PAX5: variants seen among roughly 807,000 people sequenced by gnomAD.
PAX5 encodes the protein paired box 5.
PAX5 carries 9 observed loss-of-function variants against 43.7 expected under a neutral mutation model. The ratio of observed to expected loss-of-function variants is 0.21; its 90% CI spans 0.12 to 0.36. The LOEUF (loss-of-function observed/expected upper bound fraction) is 0.36, where lower values mean the gene tolerates loss of function less well. Among genes scored for constraint, PAX5 ranks in the 10% least tolerant of loss-of-function variants. The probability of loss-of-function intolerance (pLI) is 1.00; values close to 1 mark genes in which losing one functional copy is unlikely to be tolerated. For synonymous variants in PAX5, 228 were observed against 214.3 expected (o/e 1.06, Z -0.56); for missense variants, 383 against 532.7 (o/e 0.72, Z 2.77).
At chr9:36,901,682 C>T (rs1025330360) in intron 7 of PAX5, among the ~76,000 whole-genome samples, 5 of 152,118 alleles carry the variant, frequency 3.3e-5, no homozygotes, top group African/African-American at 4.8e-5. Flanking sequence ...TCCGACCCCA[C>T]GCCCTAAACA....
At chr9:36,930,929 T>A in intron 6 of PAX5, 1 of 989,656 alleles carries the variant, frequency 1.0e-6, no homozygotes, top group Non-Finnish European at 1.4e-6. Context: ...TATTGTCTCA[T>A]CAGCACGGGG....
At chr9:36,923,581 A>G in intron 6 of PAX5, 97 bp from the exon 7 acceptor site, 1 of 1,419,726 alleles carries the variant, frequency 7.0e-7, no homozygotes, top group Non-Finnish European at 9.5e-7. Flanking sequence ...AAGCTGAGTT[A>G]GTCCATGCCT....
intron 6 of PAX5, among the ~76,000 whole-genome samples, chr9:36,954,063 C>A (rs147833083): frequency 3.3e-3 from 503 of 152,224 alleles, no homozygotes; most frequent in African/African-American, 0.012. Context: ...CAGAGCAAGA[C>A]CCTGTCTCAA....
At chr9:36,868,816 C>T (rs1825151218) in intron 8 of PAX5, among the ~76,000 whole-genome samples, 1 of 152,128 alleles carries the variant, frequency 6.6e-6, no homozygotes, top group East Asian at 1.9e-4. Flanking sequence ...CACCACCTCC[C>T]GAACCCAGTC....
chr9:36,993,148 G>T (rs1183992311), intron 5 of PAX5, among the ~76,000 whole-genome samples: 1 of 152,224 alleles, frequency 6.6e-6, no homozygotes, highest in Non-Finnish European at 1.5e-5. Flanking sequence ...CAGCAGCTAT[G>T]AGAGTCCAGC....
At chr9:36,977,521 G>T (rs1039554470) in intron 5 of PAX5, among the ~76,000 whole-genome samples, 1 of 151,786 alleles carries the variant, frequency 6.6e-6, no homozygotes, top group Non-Finnish European at 1.5e-5. Flanking sequence ...TTTTTTTGGG[G>T]TTTTTTTGTT....
chr9:36,942,771 G>A (rs531414944), intron 6 of PAX5, among the ~76,000 whole-genome samples: 1 of 152,366 alleles, frequency 6.6e-6, no homozygotes, highest in South Asian at 2.1e-4. Flanking sequence ...TACAAGTGCT[G>A]ATGTTGGAAG....
chr9:36,846,460 T>C (rs916236825), intron 9 of PAX5, among the ~76,000 whole-genome samples: 1 of 152,252 alleles, frequency 6.6e-6, no homozygotes, highest in Non-Finnish European at 1.5e-5. Flanking sequence ...CGATTCAAGT[T>C]GGTATCTTTA....
intron 7 of PAX5, among the ~76,000 whole-genome samples, chr9:36,894,009 C>T (rs946209713): frequency 6.6e-6 from 1 of 152,116 alleles, no homozygotes; most frequent in African/African-American, 2.4e-5. Context: ...CCTGGAGAGC[C>T]CTTGTGCAGT....
intron 5 of PAX5, among the ~76,000 whole-genome samples, chr9:36,989,011 G>A (rs376407431): frequency 2.0e-5 from 3 of 152,152 alleles, no homozygotes; most frequent in Admixed American, 6.5e-5. Context: ...GTCTACTCAC[G>A]GTGCCACCTG....
intron 6 of PAX5, among the ~76,000 whole-genome samples, chr9:36,949,162 G>T (rs1301162607): frequency 6.6e-6 from 1 of 152,028 alleles, no homozygotes; most frequent in East Asian, 1.9e-4. Context: ...CCGGGTTCAC[G>T]CCATTCTCCT....
rs138009049 is a variant in PAX5, at chr9:36,952,234, C to CTTTTTTTTTT, written c.780+14305_780+14314dup. 8.9e-4 allele frequency among the ~76,000 whole-genome samples: 59 copies of CTTTTTTTTTT among 66,658 alleles called. 6 individuals carry two copies. Among genetic ancestry groups the CTTTTTTTTTT allele is most frequent in the Admixed American group, 1.3e-3 (5 of 3,898 alleles). 43.7% of individuals were successfully genotyped at this position (66,658 alleles called of 152,430 possible). A position where few individuals can be genotyped will look rare whatever the true frequency, so the allele number is the denominator to read the frequency against. ...TTTTTAATATGCTCTGACCATCTCC[C>CTTTTTTTTTT]TTTTTTTTTTTTTTTTTTTTTTTGA... On this transcript the variant is annotated intron_variant, in intron 6 of 9. Coordinates refer to ENST00000358127, the MANE Select transcript of PAX5 (RefSeq NM_016734.3).
intron 3 of PAX5, among the ~76,000 whole-genome samples, chr9:37,014,504 G>A (rs746113250): frequency 5.3e-5 from 8 of 152,224 alleles, no homozygotes; most frequent in Non-Finnish European, 1.0e-4. Context: ...GCTGGAACAA[G>A]GAGCCAAGTC....
At chr9:36,904,402 T>A (rs1427028101) in intron 7 of PAX5, among the ~76,000 whole-genome samples, 1 of 152,194 alleles carries the variant, frequency 6.6e-6, no homozygotes, top group African/African-American at 2.4e-5. Context: ...AAGGAACTAA[T>A]GGGTCTGAAA....
chr9:36,834,676 G>A lies in PAX5; in HGVS notation c.*5884C>T. On this transcript the variant is annotated 3_prime_UTR_variant, in exon 10 of 10. Transcript: ENST00000358127. Reference sequence around the variant, plus strand: ...TTGAAAAGAAGGGCGCCATTAAATGGTTTCCTTTCTGTTCCACTCCAAGGG... The same window carrying A: ...TTGAAAAGAAGGGCGCCATTAAATGATTTCCTTTCTGTTCCACTCCAAGGG... The A allele has an allele frequency of 4.3e-6, 1 of 233,200 alleles. No individual in the cohort carries two copies. The highest frequency in any genetic ancestry group is 8.5e-6 in the Non-Finnish European group (1 of 118,040). 14.4% of individuals were successfully genotyped at this position (233,200 alleles called of 1,614,324 possible). A position where few individuals can be genotyped will look rare whatever the true frequency, so the allele number is the denominator to read the frequency against.
intron 7 of PAX5, among the ~76,000 whole-genome samples, chr9:36,901,134 C>T (rs1267183992): frequency 6.6e-6 from 1 of 152,138 alleles, no homozygotes; most frequent in Non-Finnish European, 1.5e-5. Context: ...CTGTCAAGAC[C>T]CCACAGAGAT....
Position 36,889,941 on chromosome 9 carries a change from C to T in PAX5, c.911-7836G>A, listed in dbSNP as rs1163894027. On this transcript the variant is annotated intron_variant, in intron 7 of 9. Coordinates refer to ENST00000358127, the MANE Select transcript of PAX5 (RefSeq NM_016734.3). Reference sequence around the variant, plus strand: ...GGTAGGCTCTCTCTATGTACACTAACGGGGGGGGGGGGAATGTGAATCCAA... The same window carrying T: ...GGTAGGCTCTCTCTATGTACACTAATGGGGGGGGGGGGAATGTGAATCCAA... Among the ~76,000 whole-genome samples the T allele has an allele frequency of 1.2e-4, 11 of 92,186 alleles. No homozygotes were observed. The East Asian group carries it at 2.1e-3, about 18-fold the overall frequency. 60.5% of individuals were successfully genotyped at this position (92,186 alleles called of 152,430 possible).
At chr9:36,973,083 C>CGGAAAGGAAAGGAAA (rs1171700120) in intron 5 of PAX5, among the ~76,000 whole-genome samples, 43 of 74,536 alleles carry the variant, frequency 5.8e-4, no homozygotes, top group South Asian at 1.6e-3. Context: ...CGGAACGGAA[C>CGGAAAGGAAAGGAAA]GGAAAGGAAA....
intron 5 of PAX5, among the ~76,000 whole-genome samples, chr9:36,990,398 T>C (rs937281600): frequency 6.6e-6 from 1 of 151,902 alleles, no homozygotes; most frequent in African/African-American, 2.4e-5. Flanking sequence ...ATGACTGGAG[T>C]GCGCATGAAA....
Sources: gnomAD v4.1 joint callset for allele counts (sites outside exome capture counted in the v4.1 genomes callset) on GRCh38, gnomAD v4.1.1 for gene constraint, MANE v1.5 for transcripts, NCBI Gene and HGNC (gene_info 2026-07-23, HGNC 2026-07-21) for gene names.